The following B4GALT2 variants were observed in gnomAD, a reference collection of about 807,000 sequenced individuals.
B4GALT2 encodes beta-1,4-galactosyltransferase 2, also known as N-acetyllactosamine synthase.
Under a neutral mutation model 33.2 loss-of-function variants are expected in B4GALT2, and 18 were observed. The ratio of observed to expected loss-of-function variants is 0.54; its 90% CI spans 0.38 to 0.80. The LOEUF (loss-of-function observed/expected upper bound fraction) is 0.80. Ranked by LOEUF, B4GALT2 falls within the 30% of genes least tolerant of loss-of-function variation. The probability of loss-of-function intolerance (pLI) is 0.00; values close to 1 mark genes in which losing one functional copy is unlikely to be tolerated. For missense variants in B4GALT2, 404 were observed against 526.2 expected (o/e 0.77, Z 2.27); for synonymous variants, 214 against 217.6 (o/e 0.98, Z 0.15).
At position 43,984,917 on chromosome 1, in the gene B4GALT2, A is replaced by G; in HGVS notation, c.602A>G (p.Glu201Gly). The G allele has an allele frequency of 6.2e-7, 1 of 1,614,058 alleles. No homozygotes were observed. Among genetic ancestry groups the G allele is most frequent in the Non-Finnish European group, 8.5e-7 (1 of 1,180,004 alleles). The change falls in exon 4 of 7, where the codon GAG becomes GGG. Residue 201 changes from glutamate (E) to glycine (G), a missense_variant. Glu to Gly is a moderately conservative substitution (Grantham distance 98). Transcript: ENST00000372324. The surrounding 1 kb of genome is among the most constrained non-coding windows in gnomAD (Gnocchi z 5.6). ...AAGCTGCTTAACGTGGGCTTCCTAG[A>G]GGCGCTGAAGGAGGATGCCGCCTAT... is the stretch of plus-strand genomic sequence containing the variant. Reference protein sequence around the residue: ...RAKLLNVGFLEALKEDAAYDC... With the variant: ...RAKLLNVGFLGALKEDAAYDC...
intron 6 of B4GALT2, among the ~76,000 whole-genome samples, chr1:43,986,634 C>G (rs1557652713): frequency 6.6e-6 from 1 of 152,134 alleles, no homozygotes; most frequent in Non-Finnish European, 1.5e-5. Flanking sequence ...AAAGTCACGT[C>G]TGGATGTTAG....
At position 43,981,973 on chromosome 1, in the gene B4GALT2, G is replaced by A. The variant is rs754867970; in HGVS notation, c.549+49G>A. Reference sequence around the variant, plus strand: ...CCTGTTGGTGTATATATGTGGGTTGGGGGCGTTTGTGGGTCCTTGTCTGCC... The same window carrying A: ...CCTGTTGGTGTATATATGTGGGTTGAGGGCGTTTGTGGGTCCTTGTCTGCC... On this transcript the variant is annotated intron_variant, in intron 3 of 6. Transcript: ENST00000372324. This position sits in a 1 kb window ranked among gnomAD's most constrained non-coding sequence, Gnocchi z 8.1. 1.9e-6 allele frequency: 3 copies of A among 1,582,746 alleles called. No homozygotes were observed. Among genetic ancestry groups the A allele is most frequent in the Non-Finnish European group, 2.6e-6 (3 of 1,157,324 alleles).
At position 43,984,745 on chromosome 1, in the gene B4GALT2, C is replaced by A; in HGVS notation, c.550-120C>A. The stretch of plus-strand genomic sequence containing the variant: ...AGAAGCTGGACTAGATCCTGAGAGC[C>A]TGGAGGAGCCATGCAGCGAGGGGGC... On this transcript the variant is annotated intron_variant, in intron 3 of 6. Coordinates refer to ENST00000372324, the MANE Select transcript of B4GALT2 (RefSeq NM_003780.5). This position sits in a 1 kb window ranked among gnomAD's most constrained non-coding sequence, Gnocchi z 5.6. 1 of 1,053,654 alleles carries A rather than the reference C, an allele frequency of 9.5e-7. No homozygotes were observed. The allele number at this position is 1,053,654 out of a possible 1,614,324, so 65.3% of individuals were successfully genotyped here. A position where few individuals can be genotyped will look rare whatever the true frequency, so the allele number is the denominator to read the frequency against.
intron 6 of B4GALT2, 168 bp downstream of exon 6, chr1:43,985,789 C>T (rs1259891348): frequency 4.6e-6 from 3 of 650,552 alleles, no homozygotes; most frequent in South Asian, 3.7e-5. Flanking sequence ...TGATCCAAGG[C>T]CCCTCAGGAC....
Position 43,982,780 on chromosome 1 carries a change from T to C in B4GALT2, c.549+856T>C, listed in dbSNP as rs2085614652. On this transcript the variant is annotated intron_variant, in intron 3 of 6. Transcript: ENST00000372324. This position sits in a 1 kb window ranked among gnomAD's most constrained non-coding sequence, Gnocchi z 4.3. ...AAAAGTGACAGGGCACCATGTAAGG[T>C]TGTAAGGAGAGAGTGACTTGCGTGT... 6.6e-6 allele frequency among the ~76,000 whole-genome samples: 1 copy of C among 151,824 alleles called. No homozygotes were observed. Among genetic ancestry groups the C allele is most frequent in the African/African-American group, 2.4e-5 (1 of 41,298 alleles).
intron 6 of B4GALT2, among the ~76,000 whole-genome samples, chr1:43,988,143 C>G: frequency 6.6e-6 from 1 of 152,102 alleles, no homozygotes. Flanking sequence ...GAAAATGGCA[C>G]AGGCGTGGGG....
intron 6 of B4GALT2, among the ~76,000 whole-genome samples, chr1:43,986,573 A>C (rs1413746132): frequency 6.6e-6 from 1 of 152,196 alleles, no homozygotes; most frequent in East Asian, 1.9e-4. Flanking sequence ...AGAGTCTGAA[A>C]CTATTTGGTT....
rs146199617 is a variant in B4GALT2, at chr1:43,990,924, T to C, written c.*476T>C. On this transcript the variant is annotated 3_prime_UTR_variant, in exon 7 of 7. Transcript: ENST00000372324. ...AGGGGAAACCTTTTTCATTCAACAT[T>C]GTAGGGGGCAAGCTTTGGTGCGCCC... The C allele has an allele frequency of 2.4e-4, 41 of 170,384 alleles. No individual in the cohort carries two copies. Among genetic ancestry groups the C allele is most frequent in the Non-Finnish European group, 3.9e-4 (30 of 77,212 alleles). 10.6% of individuals were successfully genotyped at this position (170,384 alleles called of 1,614,324 possible). A position where few individuals can be genotyped will look rare whatever the true frequency, so the allele number is the denominator to read the frequency against.
rs1300198358 is a variant in B4GALT2 at position 43,982,648 on chromosome 1, G to A, written c.549+724G>A. On this transcript the variant is annotated intron_variant, in intron 3 of 6. Transcript: ENST00000372324. This position sits in a 1 kb window ranked among gnomAD's most constrained non-coding sequence, Gnocchi z 4.3. ...GCCTCGTGTTCACGAACTATTGGCTGAGGTGTGGTGTCCAGCATGTGGACT... is the reference window on the plus strand; with the variant it reads ...GCCTCGTGTTCACGAACTATTGGCTAAGGTGTGGTGTCCAGCATGTGGACT... Among the ~76,000 whole-genome samples, 3 of 152,264 alleles carry A rather than the reference G, an allele frequency of 2.0e-5. No homozygotes were observed. The highest frequency in any genetic ancestry group is 1.5e-5 in the Non-Finnish European group (1 of 68,044).
rs1019576454 is a variant in B4GALT2 at position 43,987,993 on chromosome 1, A to G, written c.969-2305A>G. On this transcript the variant is annotated intron_variant, in intron 6 of 6. Coordinates refer to ENST00000372324, the MANE Select transcript of B4GALT2 (RefSeq NM_003780.5). ...GTTTTCTCTGTTACCTGCCTCCCCT[A>G]GAGAAGCCAACTTGCCCTGAGATGA... Among the ~76,000 whole-genome samples, 3 of 152,118 alleles carry G rather than the reference A, an allele frequency of 2.0e-5. No individual in the cohort carries two copies. The East Asian group carries it at 5.8e-4, about 29-fold the overall frequency.
chr1:43,985,408 A>G lies in B4GALT2; in HGVS notation c.863+8A>G, dbSNP rs757651871. ...TGATGACATCTTCAACCGGTGAGTA[A>G]GCACGCGGTGGGGAATAGGCTGGGT... On this transcript the variant is annotated splice_region_variant and intron_variant, in intron 5 of 6. Coordinates refer to ENST00000372324, the MANE Select transcript of B4GALT2 (RefSeq NM_003780.5). The G allele has an allele frequency of 8.4e-7, 1 of 1,191,752 alleles. No homozygotes were observed. The highest frequency in any genetic ancestry group is 2.2e-5 in the Admixed American group (1 of 46,104). 73.8% of individuals were successfully genotyped at this position (1,191,752 alleles called of 1,614,324 possible). A position where few individuals can be genotyped will look rare whatever the true frequency, so the allele number is the denominator to read the frequency against.
rs2085720230 is a variant in B4GALT2, at chr1:43,990,616, T to C, written c.*168T>C. On this transcript the variant is annotated 3_prime_UTR_variant, in exon 7 of 7. Transcript: ENST00000372324. ...CACCTGGAAGTTTCAGAACCCACTT[T>C]GGGGGGCCTCCTGCCTGGGCAGGCT... The C allele has an allele frequency of 1.0e-6, 1 of 963,030 alleles. No homozygotes were observed. The highest frequency in any genetic ancestry group is 2.6e-5 in the East Asian group (1 of 38,222). The allele number at this position is 963,030 out of a possible 1,614,324, so 59.7% of individuals were successfully genotyped here. A position where few individuals can be genotyped will look rare whatever the true frequency, so the allele number is the denominator to read the frequency against.
chr1:43,979,686 C>T lies in B4GALT2; in HGVS notation c.-53+175C>T, dbSNP rs1401148546. ...CCCCGCCCCCACTCCGGCGCCCCTC[C>T]TGGGCTTCTCCGCCCGCGTCCAGCC... On this transcript the variant is annotated intron_variant, in intron 1 of 6. Transcript: ENST00000372324. This position sits in a 1 kb window ranked among gnomAD's most constrained non-coding sequence, Gnocchi z 4.8. 1 of 258,410 alleles carries T rather than the reference C, an allele frequency of 3.9e-6. No homozygotes were observed. Among genetic ancestry groups the T allele is most frequent in the East Asian group, 8.2e-5 (1 of 12,162 alleles). 16.0% of individuals were successfully genotyped at this position (258,410 alleles called of 1,614,324 possible).
Position 43,979,780 on chromosome 1 carries a change from T to A in B4GALT2, c.-53+269T>A, listed in dbSNP as rs1202599112. 9.7e-6 allele frequency: 5 copies of A among 513,992 alleles called. No individual in the cohort carries two copies. The highest frequency in any genetic ancestry group is 1.7e-5 in the Non-Finnish European group (5 of 288,014). The allele number at this position is 513,992 out of a possible 1,614,324, so 31.8% of individuals were successfully genotyped here. A position where few individuals can be genotyped will look rare whatever the true frequency, so the allele number is the denominator to read the frequency against. ...GGAGGCGTTCCATACACGTTTCCCC[T>A]TGGCCTTTGCCTCATCCGCTGCCCT... On this transcript the variant is annotated intron_variant, in intron 1 of 6. Coordinates refer to ENST00000372324, the MANE Select transcript of B4GALT2 (RefSeq NM_003780.5). The surrounding 1 kb of genome is among the most constrained non-coding windows in gnomAD (Gnocchi z 4.8).
In B4GALT2 at chr1:43,990,278, A is replaced by G. The variant is rs2085714045; in HGVS notation, c.969-20A>G. On this transcript the variant is annotated intron_variant, in intron 6 of 6. Transcript: ENST00000372324. ...TTTACAGTTGTTAGCCCTGATGTGG[A>G]CCATTTCCATCCTATCTAGGTTTAC... The G allele has an allele frequency of 1.9e-6, 3 of 1,613,556 alleles. No individual in the cohort carries two copies. In the South Asian group the frequency reaches 3.3e-5, roughly 18 times the overall value.
chr1:43,989,227 T>C (rs1331370174), intron 6 of B4GALT2, among the ~76,000 whole-genome samples: 1 of 148,510 alleles, frequency 6.7e-6, no homozygotes, highest in East Asian at 2.0e-4. Context: ...GCATCTGTAA[T>C]CCCAGCTACT....
chr1:43,989,979 A>G (rs1264775565), intron 6 of B4GALT2, among the ~76,000 whole-genome samples: 3 of 152,226 alleles, frequency 2.0e-5, no homozygotes, highest in Non-Finnish European at 4.4e-5. Flanking sequence ...GAGGTGCAAG[A>G]CTTAACCCTT....
In B4GALT2 at chr1:43,982,779, G is replaced by T. The variant is rs2085614628; in HGVS notation, c.549+855G>T. ...CAAAAGTGACAGGGCACCATGTAAG[G>T]TTGTAAGGAGAGAGTGACTTGCGTG... is the stretch of plus-strand genomic sequence containing the variant. On this transcript the variant is annotated intron_variant, in intron 3 of 6. Coordinates refer to ENST00000372324, the MANE Select transcript of B4GALT2 (RefSeq NM_003780.5). The surrounding 1 kb of genome is among the most constrained non-coding windows in gnomAD (Gnocchi z 4.3). Among the ~76,000 whole-genome samples the T allele has an allele frequency of 6.6e-6, 1 of 152,348 alleles. No individual in the cohort carries two copies. The highest frequency in any genetic ancestry group is 1.9e-4 in the East Asian group (1 of 5,182).
At position 43,981,439 on chromosome 1, in the gene B4GALT2, G is replaced by A. The variant is rs1404059370; in HGVS notation, c.279G>A (p.Thr93=). The A allele has an allele frequency of 6.3e-6, 10 of 1,591,906 alleles. No individual in the cohort carries two copies. The highest frequency in any genetic ancestry group is 2.7e-5 in the African/African-American group (2 of 74,770). The change falls in exon 2 of 7, where the codon ACG becomes ACA. Residue 93 remains threonine (T), a synonymous_variant. Transcript: ENST00000372324. This position sits in a 1 kb window ranked among gnomAD's most constrained non-coding sequence, Gnocchi z 8.1. ...CCCTGCCCGGTCCCACGGCTCCCACGCTGCCACCCTGTCCTGACTCGCCAC... is the reference window on the plus strand; with the variant it reads ...CCCTGCCCGGTCCCACGGCTCCCACACTGCCACCCTGTCCTGACTCGCCAC... ...PSALPGPTAP[T]LPPCPDSPPG... is the part of the protein sequence containing the mutation.
Sources: allele counts gnomAD v4.1 joint callset (sites outside exome capture counted in the v4.1 genomes callset), GRCh38; gene constraint gnomAD v4.1.1; non-coding constraint Gnocchi (gnomAD v3.1); transcripts MANE v1.5; gene names NCBI Gene and HGNC (gene_info 2026-07-23, HGNC 2026-07-21).